The following IL22RA2 variants were observed in gnomAD, a reference collection of about 807,000 sequenced individuals.
The protein encoded by IL22RA2 is interleukin-22 receptor subunit alpha-2.
In IL22RA2, 39 loss-of-function variants were observed where a neutral mutation model predicts 30.7. That is an observed-to-expected ratio of 1.27 (90% CI 0.98 to 1.66). The LOEUF (loss-of-function observed/expected upper bound fraction) is 1.66. Among genes scored for constraint, IL22RA2 ranks in the 40% most tolerant of loss-of-function variants. IL22RA2 has a pLI of 0.00. For missense variants in IL22RA2, 315 were observed against 312.7 expected (o/e 1.01, Z -0.05); for synonymous variants, 103 against 105.0 (o/e 0.98, Z 0.11).
At chr6:137,172,921 T>C (rs1169998283) in intron 1 of IL22RA2, among the ~76,000 whole-genome samples, 1 of 152,210 alleles carries the variant, frequency 6.6e-6, no homozygotes, top group African/African-American at 2.4e-5. Flanking sequence ...AATGGTGTCA[T>C]GTCTGGGATT....
At chr6:137,147,194 A>T (rs397832472) in intron 6 of IL22RA2, among the ~76,000 whole-genome samples, 42,395 of 133,356 alleles carry the variant, frequency 0.32, 6,643 homozygotes, top group African/African-American at 0.49. Context: ...TACAAAAAAA[A>T]AAAAAAAAAA....
intron 6 of IL22RA2, among the ~76,000 whole-genome samples, chr6:137,146,957 C>T (rs996198986): frequency 1.3e-5 from 2 of 151,980 alleles, no homozygotes; most frequent in Non-Finnish European, 2.9e-5. Flanking sequence ...GATTGCACTG[C>T]TGCACCCCAG....
chr6:137,154,913 A>C lies in IL22RA2; in HGVS notation c.472+28T>G, dbSNP rs201316665. ...AGGGCTGTCCAAAAGCAGGAAGAAC[A>C]AGGGCAAAGAAACTCCATGGAACTC... On this transcript the variant is annotated intron_variant, in intron 5 of 6. Coordinates refer to ENST00000296980, the MANE Select transcript of IL22RA2 (RefSeq NM_052962.3). 2,961 of 1,610,230 alleles carry C rather than the reference A, an allele frequency of 1.8e-3. 5 individuals are homozygous for C. The highest frequency in any genetic ancestry group is 2.2e-3 in the Non-Finnish European group (2,611 of 1,176,856).
intron 5 of IL22RA2, among the ~76,000 whole-genome samples, chr6:137,153,496 G>GT (rs1459663373): frequency 6.6e-6 from 1 of 152,130 alleles, no homozygotes; most frequent in Non-Finnish European, 1.5e-5. Context: ...AACTCTGACT[G>GT]TTACCCATAG....
At chr6:137,168,678 G>C (rs1398421558) in intron 1 of IL22RA2, among the ~76,000 whole-genome samples, 1 of 152,158 alleles carries the variant, frequency 6.6e-6, no homozygotes, top group African/African-American at 2.4e-5. Context: ...GGAGAAGATA[G>C]GGTACACAAC....
At chr6:137,160,358 TG>T (rs1778497530) in intron 2 of IL22RA2, among the ~76,000 whole-genome samples, 1 of 152,254 alleles carries the variant, frequency 6.6e-6, no homozygotes, top group Non-Finnish European at 1.5e-5. Context: ...AGGAAGGTAC[TG>T]TGCATTATGG....
intron 5 of IL22RA2, among the ~76,000 whole-genome samples, chr6:137,153,701 A>G (rs11154913): frequency 0.18 from 28,066 of 152,134 alleles, 2,838 homozygotes; most frequent in East Asian, 0.41. Context: ...TTTTCAAGGC[A>G]TAATATAGTT....
At chr6:137,161,591 T>C in intron 2 of IL22RA2, 98 bp downstream of exon 2, 5 of 952,964 alleles carry the variant, frequency 5.2e-6, no homozygotes, top group Non-Finnish European at 8.3e-6. Flanking sequence ...CTGCAGCCTT[T>C]ATAAAGTTCA....
In IL22RA2 at chr6:137,145,532, A is replaced by G. The variant is rs2114341490; in HGVS notation, c.*92T>C. ...TGAATATTGCTTTAAGAAAATACAA[A>G]AACAATTTTAAATAAGATCCTTCAA... is the stretch of plus-strand genomic sequence containing the variant. On this transcript the variant is annotated 3_prime_UTR_variant, in exon 7 of 7. Coordinates refer to ENST00000296980, the MANE Select transcript of IL22RA2 (RefSeq NM_052962.3). 8.1e-7 allele frequency: 1 copy of G among 1,235,820 alleles called. No individual in the cohort carries two copies. The highest frequency in any genetic ancestry group is 1.1e-6 in the Non-Finnish European group (1 of 902,458). The allele number at this position is 1,235,820 out of a possible 1,614,324, so 76.6% of individuals were successfully genotyped here.
intron 1 of IL22RA2, among the ~76,000 whole-genome samples, chr6:137,169,189 A>G (rs1213825629): frequency 6.6e-6 from 1 of 152,244 alleles, no homozygotes; most frequent in Non-Finnish European, 1.5e-5. Flanking sequence ...TTTCAGAACC[A>G]GATAGGGGAA....
At chr6:137,165,499 C>T (rs1778608968) in intron 1 of IL22RA2, among the ~76,000 whole-genome samples, 1 of 152,168 alleles carries the variant, frequency 6.6e-6, no homozygotes, top group South Asian at 2.1e-4. Context: ...GGCAGACTTG[C>T]TGGCGGTGGC....
At chr6:137,162,105 T>C (rs1268556104) in intron 1 of IL22RA2, among the ~76,000 whole-genome samples, 2 of 151,816 alleles carry the variant, frequency 1.3e-5, no homozygotes, top group Non-Finnish European at 2.9e-5. Flanking sequence ...AGCAGGTGAG[T>C]GAATGAAACA....
chr6:137,173,503 C>T lies in IL22RA2; in HGVS notation c.-156G>A, dbSNP rs1325236214. ...ATGGGACGCCATGTTATGTTTTTCC[C>T]ATATTTTGTCTTTGTTAATCCTCTT... On this transcript the variant is annotated 5_prime_UTR_variant, in exon 1 of 7. It removes an upstream start codon present in the reference 5' UTR. Transcript: ENST00000296980. 6.6e-6 allele frequency: 1 copy of T among 152,118 alleles called. No individual in the cohort carries two copies. The highest frequency in any genetic ancestry group is 2.4e-5 in the African/African-American group (1 of 41,418). 9.4% of individuals were successfully genotyped at this position (152,118 alleles called of 1,614,324 possible).
At chr6:137,169,536 T>C (rs896686510) in intron 1 of IL22RA2, among the ~76,000 whole-genome samples, 1 of 152,154 alleles carries the variant, frequency 6.6e-6, no homozygotes, top group African/African-American at 2.4e-5. Flanking sequence ...TCAAAAGAAA[T>C]GTGTTTACAA....
intron 1 of IL22RA2, among the ~76,000 whole-genome samples, chr6:137,165,414 C>T (rs1778607859): frequency 6.6e-6 from 1 of 152,096 alleles, no homozygotes; most frequent in Admixed American, 6.5e-5. Context: ...CCCAGCTTAT[C>T]CAGGTGGCTA....
intron 1 of IL22RA2, 84 bp from the exon 2 acceptor site, chr6:137,161,898 C>A: frequency 2.0e-6 from 1 of 504,164 alleles, no homozygotes; most frequent in Non-Finnish European, 3.7e-6. Context: ...TTTGATACTA[C>A]ATTATATTAT....
intron 1 of IL22RA2, among the ~76,000 whole-genome samples, chr6:137,168,353 C>T (rs921332329): frequency 1.3e-5 from 2 of 152,144 alleles, no homozygotes; most frequent in Admixed American, 1.3e-4. Context: ...TTGGTGAACC[C>T]CTAATGCCAT....
chr6:137,154,507 C>T (rs573608334), intron 5 of IL22RA2, among the ~76,000 whole-genome samples: 10 of 152,198 alleles, frequency 6.6e-5, no homozygotes, highest in African/African-American at 4.8e-5. Context: ...CCTAGCTACT[C>T]GGGAGGCAGA....
chr6:137,171,309 T>C (rs138233510), intron 1 of IL22RA2, among the ~76,000 whole-genome samples: 1 of 152,342 alleles, frequency 6.6e-6, no homozygotes, highest in Non-Finnish European at 1.5e-5. Flanking sequence ...CTTCTATTCA[T>C]CTAACCTTCT....
Sources: gnomAD v4.1 joint callset for allele counts (sites outside exome capture counted in the v4.1 genomes callset) on GRCh38, gnomAD v4.1.1 for gene constraint, MANE v1.5 for transcripts, NCBI Gene and HGNC (gene_info 2026-07-23, HGNC 2026-07-21) for gene names.